The following DOCK2 variants were observed in gnomAD, a reference collection of about 807,000 sequenced individuals.
DOCK2 encodes the protein dedicator of cytokinesis protein 2.
DOCK2 carries 87 observed loss-of-function variants against 248.9 expected under a neutral mutation model. The observed-to-expected ratio is 0.35, with a 90% CI of 0.29 to 0.42. DOCK2 has a LOEUF of 0.42. DOCK2 is among the 10% of genes least tolerant of loss of function. The pLI, the probability that DOCK2 is intolerant of heterozygous loss-of-function variation, is 1.00. For missense variants in DOCK2, 1,747 were observed against 2,300.2 expected (o/e 0.76, Z 4.92); for synonymous variants, 805 against 821.6 (o/e 0.98, Z 0.35).
At chr5:169,681,007 A>G (rs1156542510) in intron 6 of DOCK2, among the ~76,000 whole-genome samples, 1 of 150,972 alleles carries the variant, frequency 6.6e-6, no homozygotes, top group East Asian at 1.9e-4. Context: ...GCACTGAAAT[A>G]TATTATTAAA....
At position 169,866,218 on chromosome 5, in the gene DOCK2, G is replaced by A. The variant is rs140740204; in HGVS notation, c.2799+25366G>A. Among the ~76,000 whole-genome samples, 361 of 152,300 alleles carry A rather than the reference G, an allele frequency of 2.4e-3. 3 individuals are homozygous for A. Among genetic ancestry groups the A allele is most frequent in the African/African-American group, 8.3e-3 (347 of 41,562 alleles). Reference sequence around the variant, plus strand: ...AGGCTTGCTTCTCCTCCACTTACATGCCTTCTCTTTCTGTTCTCTCTGGCC... The same window carrying A: ...AGGCTTGCTTCTCCTCCACTTACATACCTTCTCTTTCTGTTCTCTCTGGCC... On this transcript the variant is annotated intron_variant, in intron 27 of 51. Transcript: ENST00000520908.
chr5:169,950,381 A>G (rs1776610441), intron 27 of DOCK2, among the ~76,000 whole-genome samples: 1 of 152,222 alleles, frequency 6.6e-6, no homozygotes, highest in South Asian at 2.1e-4. Context: ...CACTCAAAAA[A>G]CAGTAGTATT....
At chr5:169,715,637 A>G (rs1454962577) in intron 19 of DOCK2, among the ~76,000 whole-genome samples, 1 of 150,866 alleles carries the variant, frequency 6.6e-6, no homozygotes, top group Non-Finnish European at 1.5e-5. Context: ...AATATGATAT[A>G]CATATGATGA....
chr5:169,896,152 G>C (rs1212641578), intron 27 of DOCK2, among the ~76,000 whole-genome samples: 1 of 152,038 alleles, frequency 6.6e-6, no homozygotes, highest in Non-Finnish European at 1.5e-5. Flanking sequence ...GATGGTGAAA[G>C]AGCCAGAAAC....
At chr5:170,072,345 T>G (rs1046073037) in intron 46 of DOCK2, among the ~76,000 whole-genome samples, 2 of 152,352 alleles carry the variant, frequency 1.3e-5, no homozygotes, top group South Asian at 2.1e-4. Flanking sequence ...TTGTTACACA[T>G]ACTAGAGGTT....
intron 27 of DOCK2, among the ~76,000 whole-genome samples, chr5:169,851,017 T>A (rs1770595647): frequency 6.6e-6 from 1 of 152,206 alleles, no homozygotes; most frequent in Non-Finnish European, 1.5e-5. Flanking sequence ...GTATTGGAAT[T>A]TTCTCTTTAC....
chr5:169,668,607 T>C (rs1407849738), intron 2 of DOCK2, among the ~76,000 whole-genome samples: 1 of 152,234 alleles, frequency 6.6e-6, no homozygotes, highest in African/African-American at 2.4e-5. Context: ...AGCCGACTCA[T>C]TACAGTCATC....
At chr5:169,755,936 A>G (rs1764173556) in intron 23 of DOCK2, among the ~76,000 whole-genome samples, 1 of 152,188 alleles carries the variant, frequency 6.6e-6, no homozygotes, top group Non-Finnish European at 1.5e-5. Context: ...GGGCAAGACC[A>G]TAGACAGAAG....
At chr5:169,699,573 AC>A in intron 12 of DOCK2, 115 bp downstream of exon 12, 1 of 992,596 alleles carries the variant, frequency 1.0e-6, no homozygotes, top group Non-Finnish European at 1.5e-6. Context: ...TTCCAGACAG[AC>A]CACTGGGAAG....
intron 27 of DOCK2, among the ~76,000 whole-genome samples, chr5:169,945,951 C>T (rs982847948): frequency 2.6e-5 from 4 of 152,210 alleles, no homozygotes; most frequent in African/African-American, 9.6e-5. Flanking sequence ...CAGGAAGCCA[C>T]ATGAGCAGGC....
intron 27 of DOCK2, among the ~76,000 whole-genome samples, chr5:169,903,223 G>T (rs947875587): frequency 6.6e-5 from 10 of 150,496 alleles, no homozygotes; most frequent in African/African-American, 2.5e-4. Context: ...GCTACAGTGA[G>T]CTATGATCGC....
At chr5:169,910,115 T>A (rs1358503771) in intron 27 of DOCK2, among the ~76,000 whole-genome samples, 1 of 152,190 alleles carries the variant, frequency 6.6e-6, no homozygotes, top group African/African-American at 2.4e-5. Context: ...GGCCTGGTGT[T>A]AGCTGAGCCA....
intron 22 of DOCK2, among the ~76,000 whole-genome samples, chr5:169,721,358 G>A (rs143035168): frequency 1.8e-4 from 27 of 152,304 alleles, no homozygotes; most frequent in African/African-American, 6.5e-4. Flanking sequence ...TGCAAAGACG[G>A]TCTAGGACCT....
chr5:169,924,643 A>G (rs1429331005), intron 27 of DOCK2, among the ~76,000 whole-genome samples: 3 of 152,166 alleles, frequency 2.0e-5, no homozygotes, highest in Non-Finnish European at 4.4e-5. Context: ...CCTATTAGCA[A>G]CCCCATCCTG....
chr5:169,719,740 T>C (rs1054575335), intron 22 of DOCK2, among the ~76,000 whole-genome samples: 1 of 152,236 alleles, frequency 6.6e-6, no homozygotes, highest in Non-Finnish European at 1.5e-5. Flanking sequence ...TCTATGTTCC[T>C]TGTTGTCCTA....
chr5:169,949,624 A>C (rs1776581600), intron 27 of DOCK2, among the ~76,000 whole-genome samples: 1 of 136,702 alleles, frequency 7.3e-6, no homozygotes, highest in Non-Finnish European at 1.6e-5. Flanking sequence ...TGCCATGATC[A>C]GGTTAGAATT....
intron 26 of DOCK2, among the ~76,000 whole-genome samples, chr5:169,812,117 T>G (rs1475272999): frequency 2.0e-5 from 3 of 152,180 alleles, no homozygotes; most frequent in Non-Finnish European, 4.4e-5. Flanking sequence ...GAACCAGGCT[T>G]CACAGCAGGA....
chr5:169,817,972 T>C (rs757970882), intron 26 of DOCK2, among the ~76,000 whole-genome samples: 4 of 152,258 alleles, frequency 2.6e-5, no homozygotes, highest in Non-Finnish European at 4.4e-5. Flanking sequence ...CTTCTGCTTT[T>C]GCATTAAAAC....
chr5:169,975,331 C>A (rs997236639), intron 27 of DOCK2, among the ~76,000 whole-genome samples: 2 of 152,198 alleles, frequency 1.3e-5, no homozygotes, highest in Admixed American at 6.5e-5. Context: ...CTTTCCAGCA[C>A]ACAGCAGCTA....
Sources: allele counts gnomAD v4.1 joint callset (sites outside exome capture counted in the v4.1 genomes callset), GRCh38; gene constraint gnomAD v4.1.1; transcripts MANE v1.5; gene names NCBI Gene and HGNC (gene_info 2026-07-23, HGNC 2026-07-21).